Variants in DLG2 observed in about 807,000 individuals in gnomAD.
DLG2 encodes the protein discs large MAGUK scaffold protein 2, also known as disks large homolog 2.
In DLG2, 45 loss-of-function variants were observed where a neutral mutation model predicts 132.5. That is an observed-to-expected ratio of 0.34 (90% CI 0.27 to 0.44). DLG2 has a LOEUF of 0.44. DLG2 is among the 20% of genes least tolerant of loss of function. DLG2 has a pLI of 1.00. For missense variants in DLG2, 1,045 were observed against 1,196.9 expected (o/e 0.87, Z 1.87); for synonymous variants, 424 against 419.6 (o/e 1.01, Z -0.13).
chr11:84,901,328 T>C (rs2090857340), intron 6 of DLG2, among the ~76,000 whole-genome samples: 1 of 152,004 alleles, frequency 6.6e-6, no homozygotes, highest in Non-Finnish European at 1.5e-5. Context: ...AGGAATTTAA[T>C]GAAACTGAGA....
intron 7 of DLG2, among the ~76,000 whole-genome samples, chr11:84,310,423 T>A (rs902729121): frequency 6.6e-6 from 1 of 152,334 alleles, no homozygotes; most frequent in Middle Eastern, 3.4e-3. Context: ...CCTAGCACAG[T>A]GTCTCACACA....
chr11:83,487,349 T>C (rs549741721), intron 21 of DLG2, among the ~76,000 whole-genome samples: 1 of 152,218 alleles, frequency 6.6e-6, no homozygotes, highest in South Asian at 2.1e-4. Flanking sequence ...TATTGAGCAC[T>C]TATGTGCCAC....
chr11:83,536,131 A>G (rs992293526), intron 20 of DLG2, among the ~76,000 whole-genome samples: 1 of 152,208 alleles, frequency 6.6e-6, no homozygotes, highest in African/African-American at 2.4e-5. Flanking sequence ...TTCACAAATG[A>G]TAACCAATGT....
intron 3 of DLG2, among the ~76,000 whole-genome samples, chr11:85,497,909 C>T (rs190381420): frequency 0.011 from 1,604 of 152,192 alleles, 26 homozygotes; most frequent in African/African-American, 0.037. Flanking sequence ...AGGTCTGCCT[C>T]ACAGGAGCTC....
At chr11:85,476,480 C>T (rs1289160455) in intron 3 of DLG2, among the ~76,000 whole-genome samples, 2 of 152,070 alleles carry the variant, frequency 1.3e-5, no homozygotes, top group Admixed American at 6.5e-5. Context: ...TTCTACTTTA[C>T]ACATCTTTTA....
At chr11:83,902,504 C>T (rs925978819) in intron 15 of DLG2, among the ~76,000 whole-genome samples, 2 of 152,186 alleles carry the variant, frequency 1.3e-5, no homozygotes, top group African/African-American at 4.8e-5. Context: ...ACTCTTCAAT[C>T]TGAAGATCAG....
intron 7 of DLG2, among the ~76,000 whole-genome samples, chr11:84,389,348 C>G (rs556575830): frequency 6.6e-6 from 1 of 152,034 alleles, no homozygotes; most frequent in Non-Finnish European, 1.5e-5. Context: ...TTTTAAACTT[C>G]TGTTCTTCAG....
At chr11:85,022,662 T>C (rs1488430757) in intron 6 of DLG2, among the ~76,000 whole-genome samples, 1 of 152,134 alleles carries the variant, frequency 6.6e-6, no homozygotes, top group East Asian at 1.9e-4. Flanking sequence ...TTCAGAAGTA[T>C]TGCTTATGTC....
intron 6 of DLG2, among the ~76,000 whole-genome samples, chr11:84,823,628 C>CACACACA (rs2077979141): frequency 7.1e-6 from 1 of 139,884 alleles, no homozygotes; most frequent in Non-Finnish European, 1.6e-5. Flanking sequence ...CACACACACA[C>CACACACA]TTCATATTCC....
intron 6 of DLG2, among the ~76,000 whole-genome samples, chr11:84,800,148 A>T (rs1299031690): frequency 6.6e-6 from 1 of 152,234 alleles, no homozygotes; most frequent in Non-Finnish European, 1.5e-5. Context: ...ATTGAACAAG[A>T]GAGTAAGACC....
chr11:84,647,339 C>T (rs1367305754), intron 6 of DLG2, among the ~76,000 whole-genome samples: 1 of 151,974 alleles, frequency 6.6e-6, no homozygotes, highest in Non-Finnish European at 1.5e-5. Context: ...ACAATCATCA[C>T]CAAATTAATA....
At chr11:84,798,024 C>CA (rs1382183145) in intron 6 of DLG2, among the ~76,000 whole-genome samples, 4 of 152,168 alleles carry the variant, frequency 2.6e-5, no homozygotes, top group Non-Finnish European at 5.9e-5. Context: ...TTCTCCCAAA[C>CA]AGAGTCTCTC....
At chr11:84,906,380 T>TC (rs2091512651) in intron 6 of DLG2, among the ~76,000 whole-genome samples, 1 of 113,764 alleles carries the variant, frequency 8.8e-6, no homozygotes. Context: ...ACAGCAAGGC[T>TC]AACACACACA....
chr11:83,743,823 T>C (rs1364194789), intron 18 of DLG2, among the ~76,000 whole-genome samples: 3 of 152,114 alleles, frequency 2.0e-5, no homozygotes, highest in African/African-American at 7.2e-5. Context: ...AGGGTTGCTA[T>C]GGGGATTACA....
At chr11:84,907,790 G>A (rs989985959) in intron 6 of DLG2, among the ~76,000 whole-genome samples, 17 of 152,276 alleles carry the variant, frequency 1.1e-4, no homozygotes, top group African/African-American at 3.1e-4. Context: ...TAAATATTGA[G>A]AAGAGTGGTC....
At chr11:84,988,814 C>G (rs540015014) in intron 6 of DLG2, among the ~76,000 whole-genome samples, 1 of 152,206 alleles carries the variant, frequency 6.6e-6, no homozygotes, top group African/African-American at 2.4e-5. Flanking sequence ...TCACAAATCA[C>G]CACTACAGAA....
intron 9 of DLG2, among the ~76,000 whole-genome samples, chr11:84,145,467 T>C: frequency 6.6e-6 from 1 of 152,064 alleles, no homozygotes; most frequent in Admixed American, 6.6e-5. Flanking sequence ...CATAGAAAAG[T>C]TACAATACAA....
At chr11:84,462,007 C>G (rs1450958544) in intron 7 of DLG2, among the ~76,000 whole-genome samples, 1 of 150,878 alleles carries the variant, frequency 6.6e-6, no homozygotes, top group African/African-American at 2.4e-5. Context: ...AGATCAAGAT[C>G]CTTGGCGAAA....
intron 11 of DLG2, among the ~76,000 whole-genome samples, chr11:83,993,615 C>T (rs1175757919): frequency 6.6e-6 from 1 of 152,192 alleles, no homozygotes; most frequent in Non-Finnish European, 1.5e-5. Context: ...TGATTAGATG[C>T]TGTCCTACTT....
Sources: allele counts gnomAD v4.1 joint callset (sites outside exome capture counted in the v4.1 genomes callset), GRCh38; gene constraint gnomAD v4.1.1; transcripts MANE v1.5; gene names NCBI Gene and HGNC (gene_info 2026-07-23, HGNC 2026-07-21).